Variants in PTPRR observed in about 807,000 individuals in gnomAD.
The protein encoded by PTPRR is receptor-type tyrosine-protein phosphatase R.
A neutral mutation model predicts 77.2 loss-of-function variants in PTPRR; 38 were observed. That is an observed-to-expected ratio of 0.49 (90% CI 0.38 to 0.65). The LOEUF (loss-of-function observed/expected upper bound fraction) is 0.65, where lower values mean the gene tolerates loss of function less well. Ranked by LOEUF, PTPRR falls within the 30% of genes least tolerant of loss-of-function variation. The pLI is 0.00. For missense variants in PTPRR, 744 were observed against 799.2 expected (o/e 0.93, Z 0.83); for synonymous variants, 299 against 283.1 (o/e 1.06, Z -0.57).
At chr12:70,787,070 A>G (rs2137005265) in intron 2 of PTPRR, among the ~76,000 whole-genome samples, 1 of 152,344 alleles carries the variant, frequency 6.6e-6, no homozygotes, top group Admixed American at 6.5e-5. Context: ...TCTCATTTCT[A>G]GAAAAGAAAG....
intron 10 of PTPRR, among the ~76,000 whole-genome samples, chr12:70,674,499 A>T (rs976766933): frequency 6.6e-6 from 1 of 152,164 alleles, no homozygotes; most frequent in Non-Finnish European, 1.5e-5. Flanking sequence ...ATTTTCATCC[A>T]TGAATTGTGT....
At chr12:70,837,931 C>A (rs1892332781) in intron 2 of PTPRR, among the ~76,000 whole-genome samples, 1 of 152,080 alleles carries the variant, frequency 6.6e-6, no homozygotes, top group Non-Finnish European at 1.5e-5. Flanking sequence ...AGATACTTGT[C>A]ACTCTGAAGA....
chr12:70,785,035 G>A (rs1891293333), intron 2 of PTPRR, among the ~76,000 whole-genome samples: 1 of 152,152 alleles, frequency 6.6e-6, no homozygotes. Flanking sequence ...TATATTCGAG[G>A]TTGAAGGTCA....
intron 2 of PTPRR, among the ~76,000 whole-genome samples, chr12:70,834,192 T>A (rs1048074250): frequency 2.6e-5 from 4 of 152,188 alleles, no homozygotes; most frequent in African/African-American, 9.6e-5. Context: ...TAGAGATAAA[T>A]CTATTTACAT....
chr12:70,653,159 T>C (rs1304761990), intron 13 of PTPRR, among the ~76,000 whole-genome samples: 3 of 152,068 alleles, frequency 2.0e-5, no homozygotes, highest in Non-Finnish European at 4.4e-5. Context: ...GTGGCAGCCT[T>C]GTCTACAGAA....
rs1440196278 is a variant in PTPRR at position 70,659,624 on chromosome 12, C to T, written c.1766+1316G>A. On this transcript the variant is annotated intron_variant, in intron 12 of 13. Coordinates refer to ENST00000283228, the MANE Select transcript of PTPRR (RefSeq NM_002849.4). ...GGGTGGGGGACAGTTCCAGCCCTAA[C>T]GCATAGTCAGTTAGGCTGTTTTTTT... is the stretch of plus-strand genomic sequence containing the variant. 2.0e-5 allele frequency among the ~76,000 whole-genome samples: 3 copies of T among 152,048 alleles called. 1 individual carries two copies. The highest frequency in any genetic ancestry group is 4.2e-4 in the South Asian group (2 of 4,816).
intron 2 of PTPRR, among the ~76,000 whole-genome samples, chr12:70,835,688 C>G (rs1204652808): frequency 6.6e-6 from 1 of 152,118 alleles, no homozygotes; most frequent in Non-Finnish European, 1.5e-5. Flanking sequence ...ATATTAACTT[C>G]TAGTTCCAAG....
intron 2 of PTPRR, among the ~76,000 whole-genome samples, chr12:70,829,249 GAAATAAATAAAT>G (rs71895366): frequency 3.6e-4 from 53 of 149,174 alleles, no homozygotes; most frequent in African/African-American, 1.2e-3. Context: ...GAAGGAAAGA[GAAATAAATAAAT>G]AAATAAATAA....
In PTPRR at chr12:70,673,031, CAAAAAAA is replaced by C. The variant is rs1229938892; in HGVS notation, c.1498-10433_1498-10427del. The C allele has an allele frequency of 2.1e-4, 97 of 458,434 alleles. 1 individual carries two copies. Among genetic ancestry groups the C allele is most frequent in the Non-Finnish European group, 2.6e-4 (92 of 358,730 alleles). The allele number at this position is 458,434 out of a possible 1,614,324, so 28.4% of individuals were successfully genotyped here. On this transcript the variant is annotated intron_variant, in intron 10 of 13. Transcript: ENST00000283228. ...CTTCAATAAATACGTCGGGCCAAAG[CAAAAAAA>C]AAAAAAAAAAAGAAAGAAAGAAAGA...
At chr12:70,713,911 GT>G (rs1888923767) in intron 6 of PTPRR, among the ~76,000 whole-genome samples, 1 of 152,078 alleles carries the variant, frequency 6.6e-6, no homozygotes. Context: ...TGGGTATTTG[GT>G]CAAACCTTAT....
intron 6 of PTPRR, among the ~76,000 whole-genome samples, chr12:70,736,129 A>G (rs2136901028): frequency 6.6e-6 from 1 of 152,236 alleles, no homozygotes; most frequent in African/African-American, 2.4e-5. Flanking sequence ...CCTCTTGGTC[A>G]TTTATGTCAG....
intron 2 of PTPRR, among the ~76,000 whole-genome samples, chr12:70,798,415 C>T (rs892553583): frequency 1.3e-5 from 2 of 152,158 alleles, no homozygotes; most frequent in African/African-American, 4.8e-5. Flanking sequence ...TAAAAATATA[C>T]ACGAGATCAA....
At chr12:70,701,974 AAAAT>A (rs1888443448) in intron 6 of PTPRR, among the ~76,000 whole-genome samples, 1 of 152,154 alleles carries the variant, frequency 6.6e-6, no homozygotes, top group Admixed American at 6.6e-5. Context: ...CCTTGGCTCT[AAAAT>A]AAATAAATAA....
At chr12:70,910,099 A>G (rs546966373) in intron 1 of PTPRR, among the ~76,000 whole-genome samples, 1 of 152,096 alleles carries the variant, frequency 6.6e-6, no homozygotes, top group Admixed American at 6.5e-5. Flanking sequence ...TTTTCTTTTT[A>G]TATTTTCTTT....
intron 2 of PTPRR, among the ~76,000 whole-genome samples, chr12:70,812,850 T>C (rs1439818442): frequency 2.6e-5 from 4 of 152,208 alleles, no homozygotes; most frequent in Non-Finnish European, 5.9e-5. Context: ...AAAATTTCAC[T>C]GAATAGAGTC....
At chr12:70,866,332 A>C (rs1892848178) in intron 2 of PTPRR, among the ~76,000 whole-genome samples, 1 of 152,194 alleles carries the variant, frequency 6.6e-6, no homozygotes, top group South Asian at 2.1e-4. Flanking sequence ...AGATGCAATA[A>C]AAAATGATAA....
At chr12:70,697,769 T>C (rs1247899774) in intron 8 of PTPRR, among the ~76,000 whole-genome samples, 1 of 152,162 alleles carries the variant, frequency 6.6e-6, no homozygotes, top group Non-Finnish European at 1.5e-5. Flanking sequence ...TCTGGTTGTT[T>C]CTGCTCCATT....
chr12:70,706,571 C>G (rs529624187), intron 6 of PTPRR, among the ~76,000 whole-genome samples: 13 of 152,012 alleles, frequency 8.6e-5, no homozygotes, highest in South Asian at 8.3e-4. Context: ...GGACCTACAC[C>G]TCACTAGGTA....
chr12:70,709,429 C>G (rs1888741591), intron 6 of PTPRR, among the ~76,000 whole-genome samples: 1 of 152,138 alleles, frequency 6.6e-6, no homozygotes. Flanking sequence ...GCTTTCACCA[C>G]TTGTAGTCAA....
Sources: gnomAD v4.1 joint callset for allele counts (sites outside exome capture counted in the v4.1 genomes callset) on GRCh38, gnomAD v4.1.1 for gene constraint, MANE v1.5 for transcripts, NCBI Gene and HGNC (gene_info 2026-07-23, HGNC 2026-07-21) for gene names.